The following TENT4B variants were observed in gnomAD, a reference collection of about 807,000 sequenced individuals.
TENT4B encodes the protein PAP associated domain containing 5.
A neutral mutation model predicts 75.0 loss-of-function variants in TENT4B; 10 were observed. That is an observed-to-expected ratio of 0.13 (90% CI 0.08 to 0.23). The LOEUF (loss-of-function observed/expected upper bound fraction) is 0.23, where lower values mean the gene tolerates loss of function less well. Among genes scored for constraint, TENT4B ranks in the 10% least tolerant of loss-of-function variants. The probability of loss-of-function intolerance (pLI) is 1.00; values close to 1 mark genes in which losing one functional copy is unlikely to be tolerated. For missense variants in TENT4B, 579 were observed against 893.8 expected (o/e 0.65, Z 4.49); for synonymous variants, 350 against 357.7 (o/e 0.98, Z 0.24).
chr16:50,187,168 T>C (rs2038544753), intron 1 of TENT4B, among the ~76,000 whole-genome samples: 1 of 152,236 alleles, frequency 6.6e-6, no homozygotes, highest in Non-Finnish European at 1.5e-5. Context: ...TAAGAGACCA[T>C]TGCCAAATGC....
At chr16:50,222,255 A>T in intron 5 of TENT4B, 51 bp from the exon 6 acceptor site, 1 of 1,511,478 alleles carries the variant, frequency 6.6e-7, no homozygotes, top group Non-Finnish European at 9.0e-7. Flanking sequence ...CTTAATGCTT[A>T]GATCTGTTGC....
At position 50,153,823 on chromosome 16, in the gene TENT4B, A is replaced by C; in HGVS notation, c.202A>C (p.Ser68Arg). Reference sequence around the variant, plus strand: ...CGGCGGGAGCGGCAGCAGCACCGGCAGCCCCGGCGGCGCGGCCTCGGCCCC... The same window carrying C: ...CGGCGGGAGCGGCAGCAGCACCGGCCGCCCCGGCGGCGCGGCCTCGGCCCC... ...ATGGSGSSTG[S>R]PGGAASAPAP... Residue 68 changes from serine to arginine, a missense_variant, in exon 1 of 12, where the codon AGC (serine) becomes CGC (arginine). Physicochemically the swap from Ser to Arg is moderately radical, Grantham distance 110. Around this residue, in one of 7 missense-constraint regions of TENT4B, gnomAD observed 253 missense variants for 270.1 expected, o/e 0.94. Transcript: ENST00000561678. 2 of 1,235,936 alleles carry C rather than the reference A, an allele frequency of 1.6e-6. No homozygotes were observed. The highest frequency in any genetic ancestry group is 2.0e-6 in the Non-Finnish European group (2 of 993,350). The allele number at this position is 1,235,936 out of a possible 1,614,324, so 76.6% of individuals were successfully genotyped here. A position where few individuals can be genotyped will look rare whatever the true frequency, so the allele number is the denominator to read the frequency against.
chr16:50,174,632 A>G (rs1484950324), intron 1 of TENT4B, among the ~76,000 whole-genome samples: 4 of 151,894 alleles, frequency 2.6e-5, no homozygotes, highest in East Asian at 1.9e-4. Flanking sequence ...ATTATTATCT[A>G]TAAGTCACCT....
Position 50,211,332 on chromosome 16 carries a change from A to G in TENT4B, c.648A>G (p.Glu216=), listed in dbSNP as rs781314955. The stretch of plus-strand genomic sequence containing the variant: ...CTGTTTTTTTCTTCAGTCTGCATGA[A>G]GAAATCAGTGATTTTTATGAATACA... The part of the protein sequence containing the change: ...NYNQGVVGLH[E]EISDFYEYMS... The change falls in exon 2 of 12, where the codon GAA becomes GAG. Residue 216 remains glutamate (E), a synonymous_variant. Coordinates refer to ENST00000561678, the MANE Select transcript of TENT4B (RefSeq NM_001365324.3). 2 of 1,606,684 alleles carry G rather than the reference A, an allele frequency of 1.2e-6. No individual in the cohort carries two copies. The highest frequency in any genetic ancestry group is 4.5e-5 in the East Asian group (2 of 44,622).
At chr16:50,187,716 T>A (rs546253265) in intron 1 of TENT4B, among the ~76,000 whole-genome samples, 2 of 152,228 alleles carry the variant, frequency 1.3e-5, no homozygotes, top group African/African-American at 4.8e-5. Context: ...TTATTTTTAT[T>A]ATTATGTTAC....
intron 1 of TENT4B, among the ~76,000 whole-genome samples, chr16:50,171,889 C>T (rs1039630415): frequency 3.3e-5 from 5 of 151,992 alleles, no homozygotes; most frequent in Admixed American, 2.6e-4. Context: ...TGCTTGAACC[C>T]GGGAGGTGGA....
At chr16:50,214,921 G>A (rs1431547329) in intron 3 of TENT4B, among the ~76,000 whole-genome samples, 1 of 152,184 alleles carries the variant, frequency 6.6e-6, no homozygotes, top group Non-Finnish European at 1.5e-5. Flanking sequence ...CCTCTTGAAT[G>A]TGAGTTCCCG....
At chr16:50,166,905 G>C (rs1351990977) in intron 1 of TENT4B, among the ~76,000 whole-genome samples, 1 of 150,866 alleles carries the variant, frequency 6.6e-6, no homozygotes, top group South Asian at 2.1e-4. Context: ...GCTGGAATTA[G>C]AGGCATGAGC....
Position 50,231,595 on chromosome 16 carries a change from T to C in TENT4B, c.*2267T>C. 1 of 985,848 alleles carries C rather than the reference T, an allele frequency of 1.0e-6. No individual in the cohort carries two copies. Among genetic ancestry groups the C allele is most frequent in the Non-Finnish European group, 1.2e-6 (1 of 829,914 alleles). 61.1% of individuals were successfully genotyped at this position (985,848 alleles called of 1,614,324 possible). A position where few individuals can be genotyped will look rare whatever the true frequency, so the allele number is the denominator to read the frequency against. ...TAGCGGGAAGATAATTCTGATTCCA[T>C]TGGGAATCTTAGGTTTTCGTAAATT... is the stretch of plus-strand genomic sequence containing the variant. On this transcript the variant is annotated 3_prime_UTR_variant, in exon 12 of 12. Coordinates refer to ENST00000561678, the MANE Select transcript of TENT4B (RefSeq NM_001365324.3).
intron 1 of TENT4B, among the ~76,000 whole-genome samples, chr16:50,205,674 T>A (rs971204297): frequency 2.8e-4 from 40 of 144,730 alleles, no homozygotes; most frequent in African/African-American, 9.9e-4. Context: ...TGCTGTGATC[T>A]CTGCCTCCTG....
chr16:50,164,807 T>A (rs1286581975), intron 1 of TENT4B, among the ~76,000 whole-genome samples: 2 of 151,956 alleles, frequency 1.3e-5, no homozygotes, highest in African/African-American at 4.8e-5. Flanking sequence ...ACCTTGGCAC[T>A]TTGGGAGGCT....
At chr16:50,199,457 A>C (rs2030494794) in intron 1 of TENT4B, among the ~76,000 whole-genome samples, 1 of 152,370 alleles carries the variant, frequency 6.6e-6, no homozygotes, top group East Asian at 1.9e-4. Context: ...TCATTGAGAA[A>C]AGGATGGAAC....
rs770123017 is a variant in TENT4B at position 50,211,388 on chromosome 16, G to A, written c.704G>A (p.Arg235Gln). 6.2e-7 allele frequency: 1 copy of A among 1,607,996 alleles called. No individual in the cohort carries two copies. Among genetic ancestry groups the A allele is most frequent in the Non-Finnish European group, 8.5e-7 (1 of 1,178,430 alleles). The change falls in exon 2 of 12, where the codon CGG (arginine) becomes CAG (glutamine). Residue 235 changes from arginine to glutamine, a missense_variant. Arg to Gln is a conservative substitution (Grantham distance 43). Transcript: ENST00000561678. The stretch of plus-strand genomic sequence containing the variant: ...CCAAGACCTGAGGAGGAGAAGATGC[G>A]GATGGAGGTGGTGAACAGGATCGAG... ...MSPRPEEEKM[R>Q]MEVVNRIESV...
rs1407113317 is a variant in TENT4B, at chr16:50,216,277, A to T, written c.930+82A>T. 4 of 1,513,674 alleles carry T rather than the reference A, an allele frequency of 2.6e-6. No homozygotes were observed. In the East Asian group the frequency reaches 9.4e-5, roughly 36 times the overall value. The allele number at this position is 1,513,674 out of a possible 1,614,324, so 93.8% of individuals were successfully genotyped here. ...ATTAAAATTAAAGTTTGGTGAGCAC[A>T]GTTGCATTGCAAGTGAGTGATTCTT... is the stretch of plus-strand genomic sequence containing the variant. On this transcript the variant is annotated intron_variant, in intron 4 of 11. Transcript: ENST00000561678.
Position 50,224,786 on chromosome 16 carries a change from A to G in TENT4B, c.1508+3A>G. On this transcript the variant is annotated splice_donor_region_variant and intron_variant, in intron 8 of 11. Transcript: ENST00000561678. ...TATCCCAACAATGAAACAGAAAGGT[A>G]AAAGTTCATCTATAACCAGCCCATT... The G allele has an allele frequency of 1.2e-6, 2 of 1,613,962 alleles. No homozygotes were observed. Among genetic ancestry groups the G allele is most frequent in the Non-Finnish European group, 1.7e-6 (2 of 1,179,866 alleles).
At chr16:50,164,041 C>T (rs919827449) in intron 1 of TENT4B, among the ~76,000 whole-genome samples, 1 of 151,896 alleles carries the variant, frequency 6.6e-6, no homozygotes, top group Non-Finnish European at 1.5e-5. Flanking sequence ...CCTGTAATTC[C>T]AGCTACTTGG....
chr16:50,159,698 T>G (rs576565485), intron 1 of TENT4B, among the ~76,000 whole-genome samples: 3 of 152,208 alleles, frequency 2.0e-5, no homozygotes, highest in Admixed American at 2.0e-4. Flanking sequence ...TTTGCAGATA[T>G]AGCCCACAGT....
At chr16:50,223,580 TC>T (rs2031919761) in intron 7 of TENT4B, among the ~76,000 whole-genome samples, 193 bp downstream of exon 7, 1 of 152,218 alleles carries the variant, frequency 6.6e-6, no homozygotes, top group African/African-American at 2.4e-5. Flanking sequence ...CTTGGAGACT[TC>T]CAGATAAGTA....
intron 1 of TENT4B, among the ~76,000 whole-genome samples, chr16:50,200,801 T>A (rs574922389): frequency 1.3e-4 from 20 of 151,572 alleles, no homozygotes; most frequent in Middle Eastern, 3.4e-3. Context: ...TTTTTTATTT[T>A]TTTTTTTTAT....
Sources: gnomAD v4.1 joint callset for allele counts (sites outside exome capture counted in the v4.1 genomes callset) on GRCh38, gnomAD v4.1.1 for gene constraint, gnomAD v4.1.1 regional missense constraint, MANE v1.5 for transcripts, NCBI Gene and HGNC (gene_info 2026-07-23, HGNC 2026-07-21) for gene names.